The following CCDC15 variants were observed in gnomAD, a reference collection of about 807,000 sequenced individuals.
The protein encoded by CCDC15 is coiled-coil domain-containing protein 15.
In CCDC15, 105 loss-of-function variants were observed where a neutral mutation model predicts 114.5. The ratio of observed to expected loss-of-function variants is 0.92; its 90% confidence interval spans 0.78 to 1.08. The LOEUF (loss-of-function observed/expected upper bound fraction) is 1.08, where lower values mean the gene tolerates loss of function less well. Ranked by LOEUF, CCDC15 falls within the 50% of genes least tolerant of loss-of-function variation. The pLI is 0.00. For synonymous variants in CCDC15, 334 were observed against 377.8 expected, an observed-to-expected ratio of 0.88 and a Z score of 1.34; for missense variants, 1,105 against 1,093.6, an observed-to-expected ratio of 1.01 and a Z score of -0.15.
In CCDC15 at chr11:125,040,196, C is replaced by G. The variant is rs958490793; in HGVS notation, c.2735-394C>G. ...GGATTACAGGTTTGTGCCACCACAT[C>G]CAGCTAATTTTTGTATTTTTAGTAG... On this transcript the variant is annotated intron_variant, in intron 15 of 15. Coordinates refer to ENST00000344762, the MANE Select transcript of CCDC15 (RefSeq NM_025004.3). 5.9e-5 allele frequency among the ~76,000 whole-genome samples: 9 copies of G among 152,150 alleles called. No individual in the cohort carries two copies. In the East Asian group the frequency reaches 1.7e-3, roughly 29 times the overall value.
chr11:125,013,531 G>A (rs879895992), intron 13 of CCDC15, among the ~76,000 whole-genome samples: 3 of 152,212 alleles, frequency 2.0e-5, no homozygotes. Flanking sequence ...ACTGGGAACA[G>A]AGAGTGACAT....
intron 1 of CCDC15, 108 bp from the exon 2 acceptor site, chr11:124,954,616 G>A (rs1473871349): frequency 1.2e-6 from 1 of 849,028 alleles, no homozygotes; most frequent in Non-Finnish European, 1.8e-6. Context: ...CCAGGCTTCT[G>A]CCTCCAGGGC....
rs569664724 is a variant in CCDC15, at chr11:124,992,448, T to C, written c.2032-132T>C. 293 of 612,832 alleles carry C rather than the reference T, an allele frequency of 4.8e-4. 4 individuals are homozygous for C. In the South Asian group the frequency reaches 4.8e-3, roughly 10 times the overall value. 38.0% of individuals were successfully genotyped at this position (612,832 alleles called of 1,614,324 possible). On this transcript the variant is annotated intron_variant, in intron 9 of 15. Coordinates refer to ENST00000344762, the MANE Select transcript of CCDC15 (RefSeq NM_025004.3). Reference sequence around the variant, plus strand: ...AGCTAAAAGTGTAACATCTCCCTCATATCAAAACGTATCAGAATATTTTTA... The same window carrying C: ...AGCTAAAAGTGTAACATCTCCCTCACATCAAAACGTATCAGAATATTTTTA...
chr11:125,024,673 C>T lies in CCDC15; in HGVS notation c.2412-13758C>T, dbSNP rs144955519. ...GATCCTGTTCCCTGCAACCTTGCTA[C>T]GGACTCACTGATTCCAGTGGGTTTT... On this transcript the variant is annotated intron_variant, in intron 13 of 15. Transcript: ENST00000344762. Among the ~76,000 whole-genome samples the T allele has an allele frequency of 6.6e-4, 101 of 152,128 alleles. No homozygotes were observed. In the East Asian group the frequency reaches 0.017, roughly 25 times the overall value.
intron 13 of CCDC15, among the ~76,000 whole-genome samples, chr11:125,007,380 G>A (rs77678193): frequency 0.063 from 9,595 of 152,164 alleles, 364 homozygotes; most frequent in African/African-American, 0.11. Flanking sequence ...ATGACTTCCA[G>A]TTCCATCTGT....
intron 4 of CCDC15, among the ~76,000 whole-genome samples, chr11:124,962,263 A>G (rs555705966): frequency 1.3e-5 from 2 of 152,350 alleles, no homozygotes; most frequent in East Asian, 1.9e-4. Context: ...AATGGTACAC[A>G]TAATTCACTT....
intron 13 of CCDC15, among the ~76,000 whole-genome samples, chr11:125,007,172 A>G (rs770562621): frequency 1.1e-4 from 17 of 152,208 alleles, no homozygotes; most frequent in Non-Finnish European, 2.9e-5. Flanking sequence ...TGTGCTACCA[A>G]TAAGTAGAAT....
chr11:125,001,307 A>G (rs1591602427), intron 11 of CCDC15, among the ~76,000 whole-genome samples: 1 of 152,382 alleles, frequency 6.6e-6, no homozygotes, highest in East Asian at 1.9e-4. Flanking sequence ...CATGTCTGCA[A>G]AGGCCTGCAA....
At position 124,968,765 on chromosome 11, in the gene CCDC15, C is replaced by A. The variant is rs547281470; in HGVS notation, c.517-6331C>A. Among the ~76,000 whole-genome samples, 11 of 152,294 alleles carry A rather than the reference C, an allele frequency of 7.2e-5. No individual in the cohort carries two copies. The East Asian group carries it at 2.1e-3, about 29-fold the overall frequency. On this transcript the variant is annotated intron_variant, in intron 4 of 15. Coordinates refer to ENST00000344762, the MANE Select transcript of CCDC15 (RefSeq NM_025004.3). ...TCACGCTGGGAGCTGCAGACCGGAG[C>A]TGTTCCTATTCAGCCATCTTGGAAT...
chr11:125,033,590 C>T (rs936486089), intron 13 of CCDC15, among the ~76,000 whole-genome samples: 1 of 152,150 alleles, frequency 6.6e-6, no homozygotes, highest in African/African-American at 2.4e-5. Flanking sequence ...ACCCTCCCAG[C>T]TGGAATGAGA....
rs559570694 is a variant in CCDC15 at position 124,954,383 on chromosome 11, C to G, written c.-10+13C>G. The G allele has an allele frequency of 2.0e-5, 4 of 197,332 alleles. No homozygotes were observed. Among genetic ancestry groups the G allele is most frequent in the African/African-American group, 9.4e-5 (4 of 42,610 alleles). The allele number at this position is 197,332 out of a possible 1,614,324, so 12.2% of individuals were successfully genotyped here. ...GCTGCAGACACAGGTCCCCGCCCCT[C>G]CCTCTTTCTCCGGGTTGCAGCTGTC... On this transcript the variant is annotated intron_variant, in intron 1 of 15. Transcript: ENST00000344762.
intron 13 of CCDC15, among the ~76,000 whole-genome samples, chr11:125,025,542 C>G (rs1374165632): frequency 1.3e-5 from 2 of 150,714 alleles, no homozygotes; most frequent in African/African-American, 2.5e-5. Context: ...GTGAATCCAT[C>G]TGGTTCTAGA....
chr11:124,963,067 G>A (rs1947702240), intron 4 of CCDC15, among the ~76,000 whole-genome samples: 1 of 152,158 alleles, frequency 6.6e-6, no homozygotes, highest in Non-Finnish European at 1.5e-5. Context: ...CATTTGGGTT[G>A]GTTCCAAGCC....
intron 13 of CCDC15, among the ~76,000 whole-genome samples, chr11:125,034,943 G>T (rs935608978): frequency 6.6e-6 from 1 of 151,998 alleles, no homozygotes; most frequent in African/African-American, 2.4e-5. Context: ...ATATATATGG[G>T]AGTTTATTAA....
rs187395804 is a variant in CCDC15 at position 125,019,181 on chromosome 11, G to A, written c.2411+13969G>A. On this transcript the variant is annotated intron_variant, in intron 13 of 15. Transcript: ENST00000344762. ...GGAGGTTGTTGAAATAATATATAGA[G>A]AGAAGAGAGGTGAAATTAATTTTTT... 8.0e-4 allele frequency among the ~76,000 whole-genome samples: 122 copies of A among 151,936 alleles called. 1 individual carries two copies. The highest frequency in any genetic ancestry group is 2.7e-3 in the African/African-American group (112 of 41,482).
At position 124,961,706 on chromosome 11, in the gene CCDC15, A is replaced by G. The variant is rs1947660085; in HGVS notation, c.516+1703A>G. Among the ~76,000 whole-genome samples, 3 of 151,998 alleles carry G rather than the reference A, an allele frequency of 2.0e-5. No homozygotes were observed. In the South Asian group the frequency reaches 6.2e-4, roughly 31 times the overall value. ...ATGACTGGCTAATTTTTGTATTTTT[A>G]GTAGAGATGGGGTTTCACCATGTTG... On this transcript the variant is annotated intron_variant, in intron 4 of 15. Coordinates refer to ENST00000344762, the MANE Select transcript of CCDC15 (RefSeq NM_025004.3).
At chr11:124,980,516 G>A (rs772872084) in intron 6 of CCDC15, among the ~76,000 whole-genome samples, 2 of 152,150 alleles carry the variant, frequency 1.3e-5, no homozygotes, top group African/African-American at 4.8e-5. Context: ...TATGTTTCCA[G>A]ATATTTATCC....
chr11:124,988,087 A>G lies in CCDC15; in HGVS notation c.1861A>G (p.Asn621Asp). 2 of 1,613,962 alleles carry G rather than the reference A, an allele frequency of 1.2e-6. No homozygotes were observed. Among genetic ancestry groups the G allele is most frequent in the Non-Finnish European group, 1.7e-6 (2 of 1,179,874 alleles). Residue 621 changes from asparagine (N) to aspartate (D), a missense_variant, in exon 8 of 16, where the codon AAT becomes GAT. Asn to Asp is a conservative substitution (Grantham distance 23). Transcript: ENST00000344762. ...RDLHVLSNDQ[N>D]ILPKCQDQDF... ...CCTGCATGTTCTCTCCAACGACCAG[A>G]ATATTCTACCCAAATGTCAGGACCA...
intron 4 of CCDC15, among the ~76,000 whole-genome samples, chr11:124,973,666 C>T (rs760890108): frequency 9.2e-5 from 14 of 152,100 alleles, no homozygotes; most frequent in African/African-American, 3.1e-4. Flanking sequence ...CTCTGTCGTC[C>T]AGGTTAGGGT....
Sources: gnomAD v4.1 joint callset for allele counts (sites outside exome capture counted in the v4.1 genomes callset) on GRCh38, gnomAD v4.1.1 for gene constraint, MANE v1.5 for transcripts, NCBI Gene and HGNC (gene_info 2026-07-23, HGNC 2026-07-21) for gene names.